PSPH: variants seen among roughly 807,000 people sequenced by gnomAD.
PSPH encodes L-3-phosphoserine phosphatase.
A neutral mutation model predicts 23.4 loss-of-function variants in PSPH; 16 were observed. That is an observed-to-expected ratio of 0.68 (90% CI 0.46 to 1.04). The LOEUF (loss-of-function observed/expected upper bound fraction) is 1.04, where lower values mean the gene tolerates loss of function less well. Ranked by LOEUF, PSPH falls within the 50% of genes least tolerant of loss-of-function variation. PSPH has a pLI of 0.00. For synonymous variants in PSPH, 68 were observed against 99.7 expected (o/e 0.68, Z 1.89); for missense variants, 223 against 273.7 (o/e 0.81, Z 1.31).
chr7:56,048,427 G>C (rs970490171), intron 1 of PSPH, among the ~76,000 whole-genome samples: 1 of 152,066 alleles, frequency 6.6e-6, no homozygotes, highest in Non-Finnish European at 1.5e-5. Flanking sequence ...CCAGACTGAA[G>C]AACATGACAA....
intron 2 of PSPH, among the ~76,000 whole-genome samples, chr7:56,032,404 T>C (rs1791125178): frequency 6.6e-6 from 1 of 152,092 alleles, no homozygotes; most frequent in South Asian, 2.1e-4. Flanking sequence ...CTCACACCTG[T>C]AATCCCAGCA....
rs180752319 is a variant in PSPH at position 56,034,329 on chromosome 7, C to T, written c.-291-223G>A. Among the ~76,000 whole-genome samples, 349 of 152,262 alleles carry T rather than the reference C, an allele frequency of 2.3e-3. 2 individuals carry two copies. Among genetic ancestry groups the T allele is most frequent in the African/African-American group, 7.5e-3 (310 of 41,576 alleles). On this transcript the variant is annotated intron_variant, in intron 1 of 7. Transcript: ENST00000275605. ...CCGCTTTGCAGAGGAAAAGAGCTCC[C>T]GGACCTTCAGAAGCTGCTCCGCGCT...
chr7:56,021,929 G>A (rs181636420), intron 3 of PSPH, among the ~76,000 whole-genome samples: 1,752 of 116,716 alleles, frequency 0.015, 38 homozygotes, highest in African/African-American at 0.054. Flanking sequence ...CAGCCTGGGC[G>A]ACAAAGCGAG....
At chr7:56,015,244 G>A in intron 6 of PSPH, 73 bp from the exon 7 acceptor site, 1 of 1,546,924 alleles carries the variant, frequency 6.5e-7, no homozygotes, top group Admixed American at 1.7e-5. Flanking sequence ...CTGCATAGAT[G>A]ATATCTTCAC....
At chr7:56,045,688 C>T (rs534294850) in intron 1 of PSPH, among the ~76,000 whole-genome samples, 2 of 151,890 alleles carry the variant, frequency 1.3e-5, no homozygotes, top group South Asian at 2.1e-4. Context: ...GATATCGAGA[C>T]CATCCTGGCC....
intron 1 of PSPH, among the ~76,000 whole-genome samples, chr7:56,050,722 A>C (rs1368161964): frequency 6.6e-6 from 1 of 152,232 alleles, no homozygotes; most frequent in African/African-American, 2.4e-5. Context: ...GATTATATTC[A>C]TATGTAAGTT....
intron 6 of PSPH, among the ~76,000 whole-genome samples, chr7:56,015,427 C>G (rs1337260144): frequency 6.6e-6 from 1 of 152,060 alleles, no homozygotes; most frequent in Non-Finnish European, 1.5e-5. Context: ...GTCTGGAACT[C>G]CTAGGCTCAT....
intron 1 of PSPH, among the ~76,000 whole-genome samples, chr7:56,037,577 C>G (rs866971632): frequency 2.6e-5 from 4 of 152,092 alleles, no homozygotes; most frequent in Admixed American, 1.3e-4. Context: ...TGCCACCACA[C>G]CAGGCTGGTT....
intron 1 of PSPH, among the ~76,000 whole-genome samples, chr7:56,048,204 G>A (rs1793505898): frequency 6.6e-6 from 1 of 151,494 alleles, no homozygotes; most frequent in African/African-American, 2.4e-5. Context: ...ACTTGAACCC[G>A]AGGAGGCGGA....
chr7:56,047,792 G>C (rs1028777768), intron 1 of PSPH, among the ~76,000 whole-genome samples: 1 of 151,544 alleles, frequency 6.6e-6, no homozygotes, highest in Non-Finnish European at 1.5e-5. Flanking sequence ...TCAGCCTACT[G>C]AGTAACTGGG....
chr7:56,039,468 T>C (rs1792192158), intron 1 of PSPH, among the ~76,000 whole-genome samples: 3 of 152,050 alleles, frequency 2.0e-5, no homozygotes, highest in African/African-American at 7.2e-5. Flanking sequence ...ATATTTCTTA[T>C]CAATACGTTA....
intron 1 of PSPH, among the ~76,000 whole-genome samples, chr7:56,040,515 G>T (rs137875701): frequency 6.4e-4 from 97 of 152,112 alleles, no homozygotes; most frequent in African/African-American, 2.2e-3. Context: ...TTTGGTGTGA[G>T]CTATTTTTAA....
At chr7:56,018,194 A>G (rs1030441168) in intron 5 of PSPH, among the ~76,000 whole-genome samples, 15 of 152,060 alleles carry the variant, frequency 9.9e-5, no homozygotes, top group African/African-American at 3.6e-4. Context: ...AAATACAAAA[A>G]TTAGCTGGGC....
intron 6 of PSPH, 64 bp from the exon 7 acceptor site, chr7:56,015,235 T>C: frequency 6.4e-7 from 1 of 1,569,372 alleles, no homozygotes; most frequent in East Asian, 2.2e-5. Context: ...GCCAGCTTTC[T>C]GCATAGATGA....
chr7:56,046,387 C>T (rs1381046031), intron 1 of PSPH, among the ~76,000 whole-genome samples: 4 of 151,996 alleles, frequency 2.6e-5, no homozygotes, highest in African/African-American at 9.7e-5. Flanking sequence ...ATCTGCCCAC[C>T]TCGGTGTTTT....
intron 1 of PSPH, among the ~76,000 whole-genome samples, chr7:56,043,491 AAAATAAATAAAT>A (rs535108883): frequency 4.6e-5 from 7 of 151,708 alleles, no homozygotes; most frequent in Non-Finnish European, 7.4e-5. Flanking sequence ...CATATCTCTA[AAAATAAATAAAT>A]AAATAAATAA....
chr7:56,047,152 G>A (rs536989136), intron 1 of PSPH, among the ~76,000 whole-genome samples: 2 of 152,170 alleles, frequency 1.3e-5, no homozygotes, highest in South Asian at 2.1e-4. Flanking sequence ...GGGAGGCTGA[G>A]GCAGGAGGAC....
intron 6 of PSPH, among the ~76,000 whole-genome samples, chr7:56,015,894 G>A (rs1014279435): frequency 6.6e-6 from 1 of 151,446 alleles, no homozygotes; most frequent in Admixed American, 6.6e-5. Context: ...CTGACCGCAG[G>A]TGATCAGACT....
intron 1 of PSPH, among the ~76,000 whole-genome samples, chr7:56,035,802 T>C (rs1280118282): frequency 6.6e-6 from 1 of 151,984 alleles, no homozygotes; most frequent in African/African-American, 2.4e-5. Context: ...GTATTTTTAG[T>C]AGAGATGGGG....
Sources: gnomAD v4.1 joint callset for allele counts (sites outside exome capture counted in the v4.1 genomes callset) on GRCh38, gnomAD v4.1.1 for gene constraint, MANE v1.5 for transcripts, NCBI Gene and HGNC (gene_info 2026-07-23, HGNC 2026-07-21) for gene names.